The following FBXL13 variants were observed in gnomAD, a reference collection of about 807,000 sequenced individuals.
FBXL13 encodes F-box and leucine rich repeat protein 13.
FBXL13 carries 67 observed loss-of-function variants against 83.6 expected under a neutral mutation model. The observed-to-expected ratio is 0.80, with a 90% CI of 0.66 to 0.98. FBXL13 has a LOEUF of 0.98. Ranked by LOEUF, FBXL13 falls within the 50% of genes least tolerant of loss-of-function variation. The pLI is 0.00. For missense variants in FBXL13, 822 were observed against 866.5 expected (o/e 0.95, Z 0.64); for synonymous variants, 272 against 299.5 (o/e 0.91, Z 0.95).
chr7:102,874,755 T>C (rs143628908), intron 16 of FBXL13, among the ~76,000 whole-genome samples: 1,849 of 152,178 alleles, frequency 0.012, 44 homozygotes, highest in African/African-American at 0.042. Flanking sequence ...TTTGTAGAGA[T>C]GGGGTTTCAT....
At chr7:102,975,909 G>A in intron 6 of FBXL13, 1 of 761,196 alleles carries the variant, frequency 1.3e-6, no homozygotes, top group South Asian at 1.3e-5. Context: ...CAGGCCATGG[G>A]GCCACAGCTC....
chr7:102,864,882 T>A (rs542134322), intron 16 of FBXL13, among the ~76,000 whole-genome samples: 3 of 152,210 alleles, frequency 2.0e-5, no homozygotes, highest in Admixed American at 6.5e-5. Context: ...GAGAAGGAAA[T>A]GGAGGCACAG....
At chr7:102,828,314 G>T (rs1385420545) in intron 18 of FBXL13, among the ~76,000 whole-genome samples, 2 of 152,112 alleles carry the variant, frequency 1.3e-5, no homozygotes, top group Admixed American at 6.6e-5. Flanking sequence ...TTGTAAGTTG[G>T]ATTCCTAGGT....
At chr7:103,057,410 G>A (rs1254837222) in intron 1 of FBXL13, among the ~76,000 whole-genome samples, 1 of 88,126 alleles carries the variant, frequency 1.1e-5, no homozygotes, top group African/African-American at 3.3e-5. Context: ...AAACTCATTG[G>A]GGTTGGGGGG....
intron 11 of FBXL13, among the ~76,000 whole-genome samples, chr7:102,897,007 GA>G (rs1266334928): frequency 1.3e-5 from 2 of 151,692 alleles, no homozygotes; most frequent in Admixed American, 6.6e-5. Flanking sequence ...CAAGGAGCAG[GA>G]ATTTTTTTTT....
chr7:102,973,965 G>A (rs537883757), intron 6 of FBXL13, among the ~76,000 whole-genome samples: 94 of 152,266 alleles, frequency 6.2e-4, no homozygotes, highest in African/African-American at 2.1e-3. Context: ...GGTGACGATC[G>A]CTCCTTTCAT....
At position 103,026,137 on chromosome 7, in the gene FBXL13, T is replaced by G. The variant is rs192386320; in HGVS notation, c.328-907A>C. Among the ~76,000 whole-genome samples the G allele has an allele frequency of 4.7e-3, 708 of 152,064 alleles. 7 individuals are homozygous for G. The highest frequency in any genetic ancestry group is 0.016 in the African/African-American group (677 of 41,468). On this transcript the variant is annotated intron_variant, in intron 5 of 19. Coordinates refer to ENST00000313221, the Ensembl canonical transcript of FBXL13. ...CAATACTGCCTGCTCTCAGGGATTT[T>G]TTTGTTTGTTTGTTTTTTGAGAAGG... is the stretch of plus-strand genomic sequence containing the variant.
intron 1 of FBXL13, among the ~76,000 whole-genome samples, chr7:103,058,454 G>A (rs902000897): frequency 1.3e-5 from 2 of 152,172 alleles, no homozygotes; most frequent in African/African-American, 4.8e-5. Flanking sequence ...TAACAAAAAG[G>A]GCTGAAGCCA....
At chr7:102,978,191 C>A (rs1298109963) in intron 6 of FBXL13, among the ~76,000 whole-genome samples, 1 of 152,194 alleles carries the variant, frequency 6.6e-6, no homozygotes, top group African/African-American at 2.4e-5. Flanking sequence ...ACTAACCTGT[C>A]TCTCAAGAAT....
chr7:103,069,826 C>T (rs1798758675), intron 1 of FBXL13, among the ~76,000 whole-genome samples: 1 of 152,202 alleles, frequency 6.6e-6, no homozygotes, highest in Non-Finnish European at 1.5e-5. Context: ...CGCCTGTAAT[C>T]CCAGCACTTT....
intron 18 of FBXL13, chr7:102,827,022 C>G: frequency 2.6e-6 from 1 of 386,332 alleles, no homozygotes; most frequent in South Asian, 1.7e-5. Context: ...CAGCTACTGT[C>G]AGCAAGAAGT....
chr7:103,036,269 A>C (rs981220019), intron 2 of FBXL13, among the ~76,000 whole-genome samples: 1 of 152,188 alleles, frequency 6.6e-6, no homozygotes, highest in African/African-American at 2.4e-5. Flanking sequence ...TTCTAGAATA[A>C]TAATAGCAAA....
intron 17 of FBXL13, among the ~76,000 whole-genome samples, chr7:102,849,635 C>T (rs1214026685): frequency 6.6e-6 from 1 of 152,154 alleles, no homozygotes; most frequent in Non-Finnish European, 1.5e-5. Context: ...CTTTCCTTCT[C>T]TTTTTAAATC....
chr7:102,818,760 A>G (rs1584416502), intron 19 of FBXL13, among the ~76,000 whole-genome samples: 2 of 152,260 alleles, frequency 1.3e-5, no homozygotes, highest in Middle Eastern at 6.8e-3. Context: ...GAAATATATC[A>G]AAAGTTCCCT....
At chr7:103,026,618 TC>T (rs1793943297) in intron 5 of FBXL13, among the ~76,000 whole-genome samples, 23 of 152,196 alleles carry the variant, frequency 1.5e-4, no homozygotes, top group Non-Finnish European at 2.9e-4. Flanking sequence ...TCAAGTAATC[TC>T]TGAGATGCTT....
intron 1 of FBXL13, among the ~76,000 whole-genome samples, chr7:103,067,623 T>C (rs1244635046): frequency 6.6e-6 from 1 of 152,196 alleles, no homozygotes; most frequent in Non-Finnish European, 1.5e-5. Flanking sequence ...GTTCTACCTG[T>C]CAGTCTCAGG....
chr7:102,992,557 T>C (rs947087816), intron 6 of FBXL13, among the ~76,000 whole-genome samples: 2 of 152,208 alleles, frequency 1.3e-5, no homozygotes, highest in East Asian at 1.9e-4. Flanking sequence ...GAACTGCTTC[T>C]GCAATTTAAA....
chr7:103,028,819 G>A, intron 3 of FBXL13, 71 bp from the exon 5 acceptor site: 3 of 1,280,562 alleles, frequency 2.3e-6, no homozygotes, highest in Non-Finnish European at 3.1e-6. Flanking sequence ...AATAAATTAA[G>A]GAGAACAAAG....
At chr7:103,055,416 G>A (rs866440089) in intron 2 of FBXL13, among the ~76,000 whole-genome samples, 12 of 151,992 alleles carry the variant, frequency 7.9e-5, no homozygotes, top group African/African-American at 1.2e-4. Flanking sequence ...GAAATAAACC[G>A]GCCCTATGAA....
Sources: gnomAD v4.1 joint callset for allele counts (sites outside exome capture counted in the v4.1 genomes callset) on GRCh38, gnomAD v4.1.1 for gene constraint, MANE v1.5 for transcripts, NCBI Gene and HGNC (gene_info 2026-07-23, HGNC 2026-07-21) for gene names.